Variants in SNTG1 observed in about 807,000 individuals in gnomAD.
The protein encoded by SNTG1 is gamma-1-syntrophin.
A neutral mutation model predicts 74.7 loss-of-function variants in SNTG1; 39 were observed. That is an observed-to-expected ratio of 0.52 (90% CI 0.40 to 0.68). The LOEUF is 0.68. SNTG1 is among the 30% of genes least tolerant of loss of function. The pLI is 0.00. For synonymous variants in SNTG1, 254 were observed against 217.1 expected, an observed-to-expected ratio of 1.17 and a Z score of -1.49; for missense variants, 685 against 609.5, an observed-to-expected ratio of 1.12 and a Z score of -1.30.
chr8:50,151,406 A>G (rs1052759122), intron 1 of SNTG1, among the ~76,000 whole-genome samples: 5 of 151,718 alleles, frequency 3.3e-5, no homozygotes, highest in African/African-American at 1.2e-4. Flanking sequence ...TTGTGTCTCT[A>G]TCTTCTTCAG....
Position 50,726,722 on chromosome 8 carries a change from G to A in SNTG1, c.1284+17744G>A, listed in dbSNP as rs191562879. Among the ~76,000 whole-genome samples, 141 of 152,234 alleles carry A rather than the reference G, an allele frequency of 9.3e-4. 1 individual carries two copies. Among genetic ancestry groups the A allele is most frequent in the Admixed American group, 2.5e-3 (38 of 15,282 alleles). On this transcript the variant is annotated intron_variant, in intron 17 of 18. Transcript: ENST00000642720. ...AAATTAGCAGGGTGTGGTGGCGGAC[G>A]CCTGTAGTCCCAGCTACTGAGGAGG...
chr8:49,984,328 C>T (rs1744226620), intron 1 of SNTG1, among the ~76,000 whole-genome samples: 1 of 152,030 alleles, frequency 6.6e-6, no homozygotes, highest in Non-Finnish European at 1.5e-5. Flanking sequence ...GCCTCAGTCT[C>T]CCGAGTAGCT....
chr8:50,372,503 C>T (rs1423577990), intron 2 of SNTG1, among the ~76,000 whole-genome samples: 1 of 151,974 alleles, frequency 6.6e-6, no homozygotes, highest in African/African-American at 2.4e-5. Context: ...TACTTTGCAT[C>T]TTTCTTTATT....
At chr8:50,399,724 C>T (rs565679447) in intron 3 of SNTG1, among the ~76,000 whole-genome samples, 8 of 152,212 alleles carry the variant, frequency 5.3e-5, no homozygotes, top group African/African-American at 1.9e-4. Context: ...CATGTCGGCC[C>T]CTCTCCAATA....
At chr8:50,137,137 G>A (rs1041741923) in intron 1 of SNTG1, among the ~76,000 whole-genome samples, 2 of 152,076 alleles carry the variant, frequency 1.3e-5, no homozygotes, top group African/African-American at 2.4e-5. Context: ...TCTCATGTCC[G>A]GTGTTAACAT....
At chr8:50,100,639 G>A (rs941621480) in intron 1 of SNTG1, among the ~76,000 whole-genome samples, 3 of 151,964 alleles carry the variant, frequency 2.0e-5, no homozygotes, top group Non-Finnish European at 4.4e-5. Flanking sequence ...TTGAGGTAAG[G>A]CTAAGTTACT....
chr8:50,715,179 G>C (rs1383351282), intron 17 of SNTG1, among the ~76,000 whole-genome samples: 1 of 152,020 alleles, frequency 6.6e-6, no homozygotes, highest in Non-Finnish European at 1.5e-5. Context: ...CTGCAACTCG[G>C]GAGTCACAGG....
intron 2 of SNTG1, among the ~76,000 whole-genome samples, chr8:50,346,888 G>T (rs546909129): frequency 6.7e-4 from 102 of 152,344 alleles, no homozygotes; most frequent in Non-Finnish European, 1.2e-3. Flanking sequence ...TATGGAAGCT[G>T]CAGAAGAGAA....
chr8:50,004,722 A>G (rs752132043), intron 1 of SNTG1, among the ~76,000 whole-genome samples: 46 of 152,348 alleles, frequency 3.0e-4, no homozygotes, highest in Non-Finnish European at 5.1e-4. Context: ...CTTTAGAGAA[A>G]GAAGTAAACT....
chr8:50,144,264 C>A (rs927405981), intron 1 of SNTG1, among the ~76,000 whole-genome samples: 1 of 152,126 alleles, frequency 6.6e-6, no homozygotes, highest in African/African-American at 2.4e-5. Context: ...GTTCGGGCCA[C>A]AGATGGAAGG....
In SNTG1 at chr8:50,687,259, A is replaced by T. The variant is rs889879736; in HGVS notation, c.1039-17341A>T. Among the ~76,000 whole-genome samples the T allele has an allele frequency of 6.6e-5, 10 of 152,172 alleles. No individual in the cohort carries two copies. The East Asian group carries it at 1.9e-3, about 29-fold the overall frequency. On this transcript the variant is annotated intron_variant, in intron 15 of 18. Transcript: ENST00000642720. ...AATGAAAAAAAAATGAAATAAACAA[A>T]CAAAAAATCGCAGAAAACAACTAAG...
In SNTG1 at chr8:50,450,580, T is replaced by C. The variant is rs766798478; in HGVS notation, c.302T>C (p.Ile101Thr). 3.1e-6 allele frequency: 5 copies of C among 1,613,532 alleles called. No homozygotes were observed. In the South Asian group the frequency reaches 4.4e-5, roughly 14 times the overall value. The change falls in exon 7 of 19, where the codon ATT (isoleucine) becomes ACT (threonine). Residue 101 changes from isoleucine to threonine, a missense_variant. Transcript: ENST00000642720. Reference sequence around the variant, plus strand: ...GCGGAACTTTCAGGACTACTTTTTATTGGAGATGCAATTCTACAGGTATAC... The same window carrying C: ...GCGGAACTTTCAGGACTACTTTTTACTGGAGATGCAATTCTACAGGTATAC... ...QRAELSGLLF[I>T]GDAILQINGI...
chr8:50,244,483 C>A (rs1455732653), intron 2 of SNTG1, among the ~76,000 whole-genome samples: 3 of 152,132 alleles, frequency 2.0e-5, no homozygotes, highest in Non-Finnish European at 4.4e-5. Context: ...AAATACAAGT[C>A]ATGAGCTTCA....
At chr8:50,042,373 T>G (rs1012241588) in intron 1 of SNTG1, among the ~76,000 whole-genome samples, 2 of 152,088 alleles carry the variant, frequency 1.3e-5, no homozygotes, top group African/African-American at 4.8e-5. Flanking sequence ...TTGAAGAAAC[T>G]TTTAAAAATG....
At chr8:50,606,921 A>C (rs1033632665) in intron 13 of SNTG1, among the ~76,000 whole-genome samples, 10 of 151,864 alleles carry the variant, frequency 6.6e-5, no homozygotes, top group Admixed American at 2.6e-4. Flanking sequence ...TTGCGAATAT[A>C]TCCCAGTTAA....
chr8:50,779,215 A>G (rs988663923), intron 18 of SNTG1, among the ~76,000 whole-genome samples: 1 of 152,194 alleles, frequency 6.6e-6, no homozygotes, highest in Non-Finnish European at 1.5e-5. Context: ...TGAACTTTAA[A>G]GTAGTTTTTT....
At chr8:50,013,457 GGATAGAGAGATA>G (rs1156533316) in intron 1 of SNTG1, among the ~76,000 whole-genome samples, 1 of 140,066 alleles carries the variant, frequency 7.1e-6, no homozygotes, top group Non-Finnish European at 1.5e-5. Flanking sequence ...TCCAGAATGG[GGATAGAGAGATA>G]GATAGATAGA....
intron 1 of SNTG1, among the ~76,000 whole-genome samples, chr8:50,073,853 T>A (rs1317069603): frequency 6.6e-6 from 1 of 151,330 alleles, no homozygotes; most frequent in Non-Finnish European, 1.5e-5. Context: ...AAGCAGGTCT[T>A]AACAGTGGGC....
rs562090303 is a variant in SNTG1, at chr8:50,671,573, G to A, written c.1038+12910G>A. Among the ~76,000 whole-genome samples, 49 of 152,218 alleles carry A rather than the reference G, an allele frequency of 3.2e-4. 1 individual carries two copies. The East Asian group carries it at 8.5e-3, about 26-fold the overall frequency. Reference sequence around the variant, plus strand: ...GTGCTGGAGAGGATGTGGAGAAATAGGAACACTTTTACACTGGTGATGGGA... The same window carrying A: ...GTGCTGGAGAGGATGTGGAGAAATAAGAACACTTTTACACTGGTGATGGGA... On this transcript the variant is annotated intron_variant, in intron 15 of 18. Transcript: ENST00000642720.
Sources: allele counts gnomAD v4.1 joint callset (sites outside exome capture counted in the v4.1 genomes callset), GRCh38; gene constraint gnomAD v4.1.1; transcripts MANE v1.5; gene names NCBI Gene and HGNC (gene_info 2026-07-23, HGNC 2026-07-21).